The following CHL1 variants were observed in gnomAD, a reference collection of about 807,000 sequenced individuals.
CHL1 encodes cell adhesion molecule L1 like.
CHL1 carries 96 observed loss-of-function variants against 141.9 expected under a neutral mutation model. The ratio of observed to expected loss-of-function variants is 0.68; its 90% CI spans 0.57 to 0.80. The LOEUF is 0.80. Ranked by LOEUF, CHL1 falls within the 30% of genes least tolerant of loss-of-function variation. The pLI is 0.00. For missense variants in CHL1, 1,820 were observed against 1,457.2 expected (o/e 1.25, Z -4.05); for synonymous variants, 613 against 502.2 (o/e 1.22, Z -2.95).
chr3:197,896 A>C, intron 1 of CHL1: 1 of 395,064 alleles, frequency 2.5e-6, no homozygotes, highest in Non-Finnish European at 4.8e-6. Context: ...TTGGAGTGTG[A>C]GTGTGCGTGG....
At chr3:370,849 T>C (rs1194575713) in intron 15 of CHL1, among the ~76,000 whole-genome samples, 4 of 152,212 alleles carry the variant, frequency 2.6e-5, no homozygotes, top group African/African-American at 9.7e-5. Context: ...TCTGCCTTAA[T>C]TTCATTATTT....
chr3:258,095 G>A (rs1030117645), intron 2 of CHL1, among the ~76,000 whole-genome samples: 1 of 152,178 alleles, frequency 6.6e-6, no homozygotes, highest in African/African-American at 2.4e-5. Flanking sequence ...AGCAAACCTT[G>A]AAAACACCTG....
At chr3:347,817 C>G (rs947823192) in intron 9 of CHL1, among the ~76,000 whole-genome samples, 1 of 152,174 alleles carries the variant, frequency 6.6e-6, no homozygotes, top group African/African-American at 2.4e-5. Flanking sequence ...GCATCATTAC[C>G]ATTTCCTACA....
chr3:228,059 A>T (rs2125023039), intron 1 of CHL1, among the ~76,000 whole-genome samples: 1 of 152,314 alleles, frequency 6.6e-6, no homozygotes, highest in African/African-American at 2.4e-5. Flanking sequence ...CAGCTTTTCG[A>T]TAGAGGCAAA....
At chr3:219,127 C>T (rs954107828) in intron 1 of CHL1, among the ~76,000 whole-genome samples, 5 of 145,842 alleles carry the variant, frequency 3.4e-5, no homozygotes, top group Non-Finnish European at 6.0e-5. Flanking sequence ...CCAGCCTGGG[C>T]GACAGAGTGA....
At chr3:363,101 T>C in intron 13 of CHL1, 116 bp from the exon 14 acceptor site, 3 of 783,506 alleles carry the variant, frequency 3.8e-6, no homozygotes, top group Non-Finnish European at 6.0e-6. Flanking sequence ...GAACATTTCA[T>C]GAGGTTTTCT....
Position 398,279 on chromosome 3 carries a change from A to G in CHL1, c.3147A>G (p.Pro1049=), listed in dbSNP as rs773320593. 1.2e-6 allele frequency: 2 copies of G among 1,606,892 alleles called. No individual in the cohort carries two copies. Among genetic ancestry groups the G allele is most frequent in the Non-Finnish European group, 1.7e-6 (2 of 1,173,680 alleles). The change falls in exon 25 of 28, where the codon CCA becomes CCG. Residue 1049 remains proline, a synonymous_variant. Transcript: ENST00000256509. ...SGVNLTQKTH[P]IEVFEPGAEH... ...TAAATCTTACTCAAAAGACTCACCC[A>G]ATAGAGGTATTTGAGCCGGGAGCTG... is the stretch of plus-strand genomic sequence containing the variant.
At chr3:275,483 C>G (rs1410470002) in intron 2 of CHL1, among the ~76,000 whole-genome samples, 1 of 152,178 alleles carries the variant, frequency 6.6e-6, no homozygotes, top group Admixed American at 6.5e-5. Flanking sequence ...TTTACCACAT[C>G]TCTATAGAAC....
At chr3:381,203 G>A (rs1575231004) in intron 16 of CHL1, among the ~76,000 whole-genome samples, 1 of 152,232 alleles carries the variant, frequency 6.6e-6, no homozygotes, top group East Asian at 1.9e-4. Context: ...AGGTAATATG[G>A]TCCATTGGGG....
At chr3:404,100 C>T (rs1262226799) in intron 27 of CHL1, among the ~76,000 whole-genome samples, 1 of 152,204 alleles carries the variant, frequency 6.6e-6, no homozygotes, top group African/African-American at 2.4e-5. Flanking sequence ...ATCTTAATCA[C>T]TTAGGAGCAC....
chr3:311,800 CTGAGA>C (rs1387594615), intron 2 of CHL1, among the ~76,000 whole-genome samples: 2 of 152,132 alleles, frequency 1.3e-5, no homozygotes, highest in African/African-American at 4.8e-5. Context: ...TTTAGTACAT[CTGAGA>C]TTTTTATTTA....
chr3:211,367 T>C (rs951620589), intron 1 of CHL1, among the ~76,000 whole-genome samples: 6 of 152,234 alleles, frequency 3.9e-5, no homozygotes, highest in African/African-American at 1.2e-4. Flanking sequence ...TGCAGTGTTA[T>C]GAGAGCACAG....
chr3:301,035 TAAG>T (rs1698680557), intron 2 of CHL1, among the ~76,000 whole-genome samples: 1 of 152,138 alleles, frequency 6.6e-6, no homozygotes, highest in African/African-American at 2.4e-5. Flanking sequence ...TGCAGAATAA[TAAG>T]GATTTTGATC....
At chr3:231,793 T>C (rs1027623280) in intron 1 of CHL1, among the ~76,000 whole-genome samples, 2 of 151,968 alleles carry the variant, frequency 1.3e-5, no homozygotes, top group African/African-American at 2.4e-5. Context: ...GCTAGGCTGG[T>C]CTCAAACTCC....
chr3:284,472 C>A (rs1459798233), intron 2 of CHL1, among the ~76,000 whole-genome samples: 17 of 152,280 alleles, frequency 1.1e-4, no homozygotes, highest in African/African-American at 3.8e-4. Flanking sequence ...CTGTTCCAAA[C>A]CGTGTGAGAA....
chr3:376,394 G>C (rs767713424), intron 15 of CHL1: 1 of 517,310 alleles, frequency 1.9e-6, no homozygotes, highest in East Asian at 5.5e-5. Flanking sequence ...AACCTGGACT[G>C]AGGCTGGAAC....
rs746193223 is a variant in CHL1, at chr3:349,482, T to C, written c.972T>C (p.Tyr324=). The C allele has an allele frequency of 3.7e-6, 6 of 1,614,062 alleles. No individual in the cohort carries two copies. Among genetic ancestry groups the C allele is most frequent in the East Asian group, 4.5e-5 (2 of 44,880 alleles). The stretch of plus-strand genomic sequence containing the variant: ...TCTCCTACCAGGACAAAGGAAATTA[T>C]CGCTGCACAGCCAGCAATTTCTTGG... ...ENVSYQDKGN[Y]RCTASNFLGT... The change falls in exon 10 of 28, where the codon TAT becomes TAC. Residue 324 remains tyrosine, a synonymous_variant. Coordinates refer to ENST00000256509, the MANE Select transcript of CHL1 (RefSeq NM_006614.4).
rs141560271 is a variant in CHL1, at chr3:340,405, G to C, written c.386-389G>C. The stretch of plus-strand genomic sequence containing the variant: ...GGCCTTCCCAATAAAGCGAGAGATA[G>C]AGAATATGCAACCGCCCAAAGTGAA... On this transcript the variant is annotated intron_variant, in intron 5 of 27. Transcript: ENST00000256509. Among the ~76,000 whole-genome samples the C allele has an allele frequency of 1.3e-3, 201 of 152,282 alleles. 1 individual carries two copies. Among genetic ancestry groups the C allele is most frequent in the African/African-American group, 4.4e-3 (185 of 41,576 alleles).
intron 24 of CHL1, among the ~76,000 whole-genome samples, chr3:396,237 A>G (rs763433608): frequency 5.9e-5 from 9 of 152,210 alleles, no homozygotes; most frequent in Non-Finnish European, 2.9e-5. Flanking sequence ...GAAACTTCCC[A>G]GTAACTAAAA....
Sources: allele counts gnomAD v4.1 joint callset (sites outside exome capture counted in the v4.1 genomes callset), GRCh38; gene constraint gnomAD v4.1.1; transcripts MANE v1.5; gene names NCBI Gene and HGNC (gene_info 2026-07-23, HGNC 2026-07-21).